Variants in ANKLE2 observed in about 807,000 individuals in gnomAD.
ANKLE2 encodes ankyrin repeat and LEM domain containing 2.
A neutral mutation model predicts 84.2 loss-of-function variants in ANKLE2; 55 were observed. That is an observed-to-expected ratio of 0.65 (90% confidence interval 0.53 to 0.82). The LOEUF (loss-of-function observed/expected upper bound fraction) is 0.82, where lower values mean the gene tolerates loss of function less well. ANKLE2 is among the 40% of genes least tolerant of loss of function. ANKLE2 has a pLI of 0.00. For missense variants in ANKLE2, 1,238 were observed against 1,201.9 expected (o/e 1.03, Z -0.44); for synonymous variants, 551 against 486.1 (o/e 1.13, Z -1.76).
At position 132,743,466 on chromosome 12, in the gene ANKLE2, A is replaced by G. The variant is rs1205796426; in HGVS notation, c.1231-190T>C. On this transcript the variant is annotated intron_variant, in intron 5 of 12. Coordinates refer to ENST00000357997, the MANE Select transcript of ANKLE2 (RefSeq NM_015114.3). This position sits in a 1 kb window ranked among gnomAD's most constrained non-coding sequence, Gnocchi z 4.1. ...CCGATTCTCCTGCCTCAGGCTCCCC[A>G]GTACCTGGGACTACAGGCACCCGCC... 6.6e-5 allele frequency among the ~76,000 whole-genome samples: 10 copies of G among 150,474 alleles called. No homozygotes were observed. The highest frequency in any genetic ancestry group is 2.0e-4 in the Admixed American group (3 of 15,128).
chr12:132,727,966 A>AT, intron 12 of ANKLE2, 66 bp downstream of exon 12: 1 of 1,556,150 alleles, frequency 6.4e-7, no homozygotes, highest in South Asian at 1.2e-5. Flanking sequence ...CATGAAGTGG[A>AT]ACTGGACCCT....
chr12:132,729,090 C>T (rs867364593), intron 11 of ANKLE2, among the ~76,000 whole-genome samples: 3 of 151,776 alleles, frequency 2.0e-5, no homozygotes, highest in African/African-American at 7.3e-5. Flanking sequence ...CGGTGGCTCA[C>T]GCCTGTGATC....
At position 132,747,890 on chromosome 12, in the gene ANKLE2, A is replaced by T; in HGVS notation, c.1172T>A (p.Met391Lys). 1 of 1,610,886 alleles carries T rather than the reference A, an allele frequency of 6.2e-7. No individual in the cohort carries two copies. The highest frequency in any genetic ancestry group is 8.5e-7 in the Non-Finnish European group (1 of 1,179,294). Reference sequence around the variant, plus strand: ...CACGTAACGGATACGCTTCTGCAGCATGGCCTCGTCGTCATCAGGGTACAT... The same window carrying T: ...CACGTAACGGATACGCTTCTGCAGCTTGGCCTCGTCGTCATCAGGGTACAT... ...RLMYPDDDEA[M>K]LQKRIRYVVD... Residue 391 changes from methionine to lysine, a missense_variant, in exon 5 of 13, where the codon ATG becomes AAG. Coordinates refer to ENST00000357997, the MANE Select transcript of ANKLE2 (RefSeq NM_015114.3).
intron 2 of ANKLE2, among the ~76,000 whole-genome samples, chr12:132,754,458 C>T (rs2044431492): frequency 6.6e-6 from 1 of 152,160 alleles, no homozygotes; most frequent in Admixed American, 6.6e-5. Context: ...TCATAGAATC[C>T]AATTTACCTC....
chr12:132,741,627 A>G, intron 6 of ANKLE2, 142 bp from the exon 7 acceptor site: 2 of 804,266 alleles, frequency 2.5e-6, no homozygotes, highest in South Asian at 3.3e-5. Context: ...TCACACTCAG[A>G]AAACGTGTGA....
intron 1 of ANKLE2, chr12:132,760,320 T>C (rs1479634502): frequency 6.6e-6 from 1 of 152,102 alleles, no homozygotes; most frequent in Non-Finnish European, 1.5e-5. Flanking sequence ...ATGTGGGGAT[T>C]TTCTCCCCAC....
chr12:132,739,453 T>A (rs2044078224), intron 7 of ANKLE2, among the ~76,000 whole-genome samples: 1 of 152,190 alleles, frequency 6.6e-6, no homozygotes, highest in Non-Finnish European at 1.5e-5. Flanking sequence ...TTTTCCCTCT[T>A]TCAGTGGCAC....
chr12:132,735,859 G>A (rs973232127), intron 8 of ANKLE2, among the ~76,000 whole-genome samples: 1 of 152,242 alleles, frequency 6.6e-6, no homozygotes, highest in African/African-American at 2.4e-5. Context: ...CATCGCAGGA[G>A]AAGAAACCAG....
intron 9 of ANKLE2, 149 bp downstream of exon 9, chr12:132,735,257 C>G (rs942719311): frequency 9.7e-6 from 7 of 723,664 alleles, no homozygotes; most frequent in Non-Finnish European, 1.7e-5. Flanking sequence ...ACAACATCCA[C>G]AAGGAATTAG....
At position 132,728,108 on chromosome 12, in the gene ANKLE2, C is replaced by A. The variant is rs185739493; in HGVS notation, c.2539G>T (p.Val847Phe). Residue 847 changes from valine to phenylalanine, a missense_variant, in exon 12 of 13, where the codon GTC becomes TTC. Coordinates refer to ENST00000357997, the MANE Select transcript of ANKLE2 (RefSeq NM_015114.3). ...ACGGCCGGGAACTGATGGGGGTCGA[C>A]GTCTGCACATTCAAGAGCGGCCAAA... is the stretch of plus-strand genomic sequence containing the variant. The part of the protein sequence containing the change: ...DVLAALECAD[V>F]DPHQFPAVHR... The A allele has an allele frequency of 1.2e-6, 2 of 1,612,986 alleles. No individual in the cohort carries two copies. Among genetic ancestry groups the A allele is most frequent in the Non-Finnish European group, 8.5e-7 (1 of 1,179,940 alleles).
intron 1 of ANKLE2, chr12:132,759,766 A>G (rs2044583554): frequency 6.6e-6 from 1 of 152,114 alleles, no homozygotes; most frequent in African/African-American, 2.4e-5. Context: ...CCCAACTCCC[A>G]AAAAAGCCTA....
chr12:132,756,857 G>A (rs1593184884), intron 1 of ANKLE2: 1 of 151,844 alleles, frequency 6.6e-6, no homozygotes, highest in East Asian at 1.9e-4. Context: ...CTGGAACCCA[G>A]GAGGCAGAGG....
Position 132,743,371 on chromosome 12 carries a change from T to G in ANKLE2, c.1231-95A>C, listed in dbSNP as rs7300085. On this transcript the variant is annotated intron_variant, in intron 5 of 12. Transcript: ENST00000357997. This position sits in a 1 kb window ranked among gnomAD's most constrained non-coding sequence, Gnocchi z 4.1. The stretch of plus-strand genomic sequence containing the variant: ...CATATTCATTCATTCATTCATTCAT[T>G]TATTTATTTTGAGACGGAGTCTCAC... The G allele has an allele frequency of 1.2e-3, 1,693 of 1,420,376 alleles. 20 individuals are homozygous for G. The African/African-American group carries it at 0.022, about 18-fold the overall frequency. The allele number at this position is 1,420,376 out of a possible 1,614,324, so 88.0% of individuals were successfully genotyped here.
chr12:132,727,962 G>A lies in ANKLE2; in HGVS notation c.2615+70C>T, dbSNP rs188380560. ...AAAGCCACTGATAGGTTCGCATGAA[G>A]TGGAACTGGACCCTGCAGAAGTTTC... On this transcript the variant is annotated intron_variant, in intron 12 of 12. Coordinates refer to ENST00000357997, the MANE Select transcript of ANKLE2 (RefSeq NM_015114.3). The A allele has an allele frequency of 1.7e-5, 26 of 1,539,510 alleles. No individual in the cohort carries two copies. The East Asian group carries it at 5.3e-4, about 31-fold the overall frequency.
chr12:132,758,027 A>C (rs1478746055), intron 1 of ANKLE2: 6 of 152,160 alleles, frequency 3.9e-5, no homozygotes, highest in African/African-American at 1.4e-4. Context: ...TACATAAACA[A>C]AAGGGTATGG....
At chr12:132,732,690 C>G (rs10870500) in intron 10 of ANKLE2, among the ~76,000 whole-genome samples, 115 of 23,630 alleles carry the variant, frequency 4.9e-3, no homozygotes, top group East Asian at 8.5e-3. Context: ...CTCTCTGCGT[C>G]CTGGTGTCTG....
chr12:132,727,691 T>C (rs1272255298), intron 12 of ANKLE2, among the ~76,000 whole-genome samples: 1,197 of 50,842 alleles, frequency 0.024, no homozygotes, highest in East Asian at 0.047. Context: ...GGCACATGCG[T>C]CTGGGTGGAG....
intron 10 of ANKLE2, among the ~76,000 whole-genome samples, chr12:132,733,021 G>A (rs2043918116): frequency 6.9e-6 from 1 of 144,096 alleles, no homozygotes; most frequent in Non-Finnish European, 1.5e-5. Flanking sequence ...ACTGTGTGAA[G>A]CGCTCTGCGT....
At position 132,727,433 on chromosome 12, in the gene ANKLE2, G is replaced by C; in HGVS notation, c.2626C>G (p.Pro876Ala). 6.4e-7 allele frequency: 1 copy of C among 1,555,588 alleles called. No homozygotes were observed. The highest frequency in any genetic ancestry group is 1.2e-5 in the South Asian group (1 of 84,352). Residue 876 changes from proline (P) to alanine (A), a missense_variant, in exon 13 of 13, where the codon CCC (proline) becomes GCC (alanine). Physicochemically the swap from Pro to Ala is conservative, Grantham distance 27. This residue lies in a region of ANKLE2 where 802 missense variants were observed against 774.5 expected (regional missense o/e 1.04). Transcript: ENST00000357997. The part of the protein sequence containing the change: ...SPSDRQSWPS[P>A]AVKGRFKSQL... ...GACTTGAACCTTCCTTTCACCGCGG[G>C]ACTGGGCCAACTGCGGAAAGCAAGA...
Sources: allele counts gnomAD v4.1 joint callset (sites outside exome capture counted in the v4.1 genomes callset), GRCh38; gene constraint gnomAD v4.1.1; regional missense constraint gnomAD v4.1.1; non-coding constraint Gnocchi (gnomAD v3.1); transcripts MANE v1.5; gene names NCBI Gene and HGNC (gene_info 2026-07-23, HGNC 2026-07-21).